Variants in TMEM184C observed in about 807,000 individuals in gnomAD.
TMEM184C encodes transmembrane protein 34.
A neutral mutation model predicts 54.5 loss-of-function variants in TMEM184C; 25 were observed. That is an observed-to-expected ratio of 0.46 (90% confidence interval 0.33 to 0.64). The LOEUF is 0.64. Among genes scored for constraint, TMEM184C ranks in the 30% least tolerant of loss-of-function variants. TMEM184C has a pLI of 0.02. For synonymous variants in TMEM184C, 148 were observed against 181.5 expected, an observed-to-expected ratio of 0.82 and a Z score of 1.49; for missense variants, 335 against 520.3, an observed-to-expected ratio of 0.64 and a Z score of 3.46.
chr4:147,632,355 GAA>G (rs1242546025), intron 7 of TMEM184C, among the ~76,000 whole-genome samples: 1 of 151,966 alleles, frequency 6.6e-6, no homozygotes, highest in African/African-American at 2.4e-5. Context: ...AAACTCCAGA[GAA>G]AGTTTCATAC....
At position 147,617,734 on chromosome 4, in the gene TMEM184C, T is replaced by A; in HGVS notation, c.-223T>A. On this transcript the variant is annotated 5_prime_UTR_variant, in exon 1 of 10. Transcript: ENST00000296582. ...GGGGTGGAGAAGAAAGGATGTTGCC[T>A]GCACTGCTCGCCAATAGCACCCTGA... 1 of 532,830 alleles carries A rather than the reference T, an allele frequency of 1.9e-6. No homozygotes were observed. Among genetic ancestry groups the A allele is most frequent in the Non-Finnish European group, 3.4e-6 (1 of 293,836 alleles). The allele number at this position is 532,830 out of a possible 1,614,324, so 33.0% of individuals were successfully genotyped here.
In TMEM184C at chr4:147,632,929, T is replaced by C. The variant is rs1294782511; in HGVS notation, c.806T>C (p.Val269Ala). ...FWQAVVIALL[V>A]KVGVISEKHT... ...CAAGCAGTAGTTATTGCTTTGTTGG[T>C]AAAAGTTGGCGTTATTTCTGAAAAG... The change falls in exon 8 of 10, where the codon GTA becomes GCA. Residue 269 changes from valine to alanine, a missense_variant. Physicochemically the swap from Val to Ala is moderately conservative, Grantham distance 64. Transcript: ENST00000296582. 1.2e-6 allele frequency: 2 copies of C among 1,613,894 alleles called. No individual in the cohort carries two copies. The highest frequency in any genetic ancestry group is 1.7e-6 in the Non-Finnish European group (2 of 1,179,938).
chr4:147,620,816 C>G (rs981086242), intron 1 of TMEM184C, among the ~76,000 whole-genome samples: 2 of 152,130 alleles, frequency 1.3e-5, no homozygotes, highest in East Asian at 3.9e-4. Context: ...AAATTGAGTT[C>G]TGTTATGGAC....
intron 7 of TMEM184C, 111 bp downstream of exon 7, chr4:147,631,616 T>G (rs1732919309): frequency 5.4e-6 from 4 of 741,438 alleles, no homozygotes; most frequent in Non-Finnish European, 8.8e-6. Flanking sequence ...AAAATGTCTC[T>G]ACTTCTCTTT....
intron 1 of TMEM184C, among the ~76,000 whole-genome samples, chr4:147,620,467 T>A (rs1283584134): frequency 6.6e-6 from 1 of 152,204 alleles, no homozygotes; most frequent in Non-Finnish European, 1.5e-5. Context: ...GCAGTCTAAT[T>A]GCATAACTTC....
chr4:147,620,232 C>CTT (rs1168370297), intron 1 of TMEM184C, among the ~76,000 whole-genome samples: 1 of 152,158 alleles, frequency 6.6e-6, no homozygotes, highest in Non-Finnish European at 1.5e-5. Flanking sequence ...TTCCATAGGA[C>CTT]TTACCACCAT....
intron 7 of TMEM184C, among the ~76,000 whole-genome samples, chr4:147,632,082 A>C (rs1488730860): frequency 6.6e-6 from 1 of 151,636 alleles, no homozygotes; most frequent in Non-Finnish European, 1.5e-5. Flanking sequence ...GGAAGGCAGG[A>C]GAATTACCTG....
chr4:147,629,112 T>C (rs552112867), intron 5 of TMEM184C, among the ~76,000 whole-genome samples: 21 of 152,218 alleles, frequency 1.4e-4, no homozygotes, highest in African/African-American at 4.3e-4. Context: ...AGCTTAGAAA[T>C]TGGGTAAGAT....
chr4:147,633,645 GAGA>G (rs372369620), intron 8 of TMEM184C, 117 bp from the exon 9 acceptor site: 2 of 834,018 alleles, frequency 2.4e-6, no homozygotes. Context: ...AATATAATCT[GAGA>G]AGAAAAAACA....
rs1732616997 is a variant in TMEM184C at position 147,617,460 on chromosome 4, C to G, written c.-497C>G. On this transcript the variant is annotated 5_prime_UTR_variant, in exon 1 of 10. Transcript: ENST00000296582. ...CGAAAGAATGAGGAGATCCTGGGGC[C>G]TTACCTACTAGCGGAATCGACTGAA... 1.2e-5 allele frequency: 2 copies of G among 161,492 alleles called. No homozygotes were observed. The highest frequency in any genetic ancestry group is 1.1e-4 in the Admixed American group (2 of 17,438). The allele number at this position is 161,492 out of a possible 1,614,324, so 10.0% of individuals were successfully genotyped here.
chr4:147,622,243 G>A (rs535718436), intron 1 of TMEM184C, among the ~76,000 whole-genome samples: 3 of 151,902 alleles, frequency 2.0e-5, no homozygotes, highest in African/African-American at 7.2e-5. Context: ...GCGCCTGGCC[G>A]CAGTACCATC....
At chr4:147,621,787 A>G (rs1732714179) in intron 1 of TMEM184C, among the ~76,000 whole-genome samples, 1 of 152,170 alleles carries the variant, frequency 6.6e-6, no homozygotes, top group Non-Finnish European at 1.5e-5. Flanking sequence ...GCCTGCAGTG[A>G]CCAAGTCTCT....
At chr4:147,629,197 G>A (rs1732866034) in intron 5 of TMEM184C, among the ~76,000 whole-genome samples, 1 of 151,838 alleles carries the variant, frequency 6.6e-6, no homozygotes, top group South Asian at 2.1e-4. Context: ...GACAATTGAG[G>A]GGAAAAAATT....
At chr4:147,618,140 G>C in intron 1 of TMEM184C, 61 bp downstream of exon 1, 1 of 1,607,268 alleles carries the variant, frequency 6.2e-7, no homozygotes, top group Non-Finnish European at 8.5e-7. Flanking sequence ...GGTTGGGAAA[G>C]AGACACCCTT....
intron 4 of TMEM184C, among the ~76,000 whole-genome samples, chr4:147,625,768 C>G (rs1732803664): frequency 1.3e-5 from 2 of 152,062 alleles, no homozygotes; most frequent in Admixed American, 1.3e-4. Flanking sequence ...TGCAACCGCC[C>G]AAGGGGTTCA....
In TMEM184C at chr4:147,618,013, G is replaced by A. The variant is rs1732630260; in HGVS notation, c.57G>A (p.Ala19=). The change falls in exon 1 of 10, where the codon GCG becomes GCA. Residue 19 remains alanine (A), a synonymous_variant. Transcript: ENST00000296582. ...NWRQWIRPLV[A]VIYLVSIVVA... ...GACAGTGGATTCGACCTTTAGTAGCGGTCATCTACCTGGTGTCAATAGTGG... is the reference window on the plus strand; with the variant it reads ...GACAGTGGATTCGACCTTTAGTAGCAGTCATCTACCTGGTGTCAATAGTGG... The A allele has an allele frequency of 6.2e-7, 1 of 1,614,012 alleles. No homozygotes were observed. Among genetic ancestry groups the A allele is most frequent in the African/African-American group, 1.3e-5 (1 of 74,890 alleles).
intron 6 of TMEM184C, 48 bp from the exon 7 acceptor site, chr4:147,631,345 T>C (rs760351936): frequency 1.4e-6 from 2 of 1,380,312 alleles, no homozygotes; most frequent in Non-Finnish European, 2.0e-6. Flanking sequence ...AATATTTCTA[T>C]TACCATATCT....
At position 147,636,368 on chromosome 4, in the gene TMEM184C, G is replaced by A. The variant is rs868226096; in HGVS notation, c.*1934G>A. On this transcript the variant is annotated 3_prime_UTR_variant, in exon 10 of 10. Coordinates refer to ENST00000296582, the MANE Select transcript of TMEM184C (RefSeq NM_018241.3). ...GACAAAGACACCAAGAAGACACATC[G>A]GGGAAAGAACAGTCTTCATTAAGTG... is the stretch of plus-strand genomic sequence containing the variant. 4.0e-5 allele frequency: 6 copies of A among 151,836 alleles called. No individual in the cohort carries two copies. Among genetic ancestry groups the A allele is most frequent in the South Asian group, 4.2e-4 (2 of 4,798 alleles). The allele number at this position is 151,836 out of a possible 1,614,324, so 9.4% of individuals were successfully genotyped here. A position where few individuals can be genotyped will look rare whatever the true frequency, so the allele number is the denominator to read the frequency against.
chr4:147,621,154 C>CT (rs950154503), intron 1 of TMEM184C, among the ~76,000 whole-genome samples: 1 of 152,120 alleles, frequency 6.6e-6, no homozygotes, highest in Non-Finnish European at 1.5e-5. Flanking sequence ...CTGCTCTAGT[C>CT]TTTTTACCTC....
Sources: gnomAD v4.1 joint callset for allele counts (sites outside exome capture counted in the v4.1 genomes callset) on GRCh38, gnomAD v4.1.1 for gene constraint, MANE v1.5 for transcripts, NCBI Gene and HGNC (gene_info 2026-07-23, HGNC 2026-07-21) for gene names.